The following SLC4A4 variants were observed in gnomAD, a reference collection of about 807,000 sequenced individuals.
SLC4A4 encodes the protein electrogenic sodium bicarbonate cotransporter 1.
SLC4A4 carries 27 observed loss-of-function variants against 111.5 expected under a neutral mutation model. That is an observed-to-expected ratio of 0.24 (90% CI 0.18 to 0.33). SLC4A4 has a LOEUF of 0.33. Ranked by LOEUF, SLC4A4 falls within the 10% of genes least tolerant of loss-of-function variation. The probability of loss-of-function intolerance (pLI) is 1.00; values close to 1 mark genes in which losing one functional copy is unlikely to be tolerated. For synonymous variants in SLC4A4, 443 were observed against 463.4 expected (o/e 0.96, Z 0.57); for missense variants, 909 against 1,315.5 (o/e 0.69, Z 4.78).
chr4:71,173,943 C>T (rs960046322), intron 2 of SLC4A4, among the ~76,000 whole-genome samples: 5 of 152,178 alleles, frequency 3.3e-5, no homozygotes, highest in Non-Finnish European at 5.9e-5. Flanking sequence ...TTTACTAGAA[C>T]AGACCCTAAA....
chr4:71,382,303 G>T (rs1009808911), intron 6 of SLC4A4, among the ~76,000 whole-genome samples: 1 of 152,098 alleles, frequency 6.6e-6, no homozygotes, highest in African/African-American at 2.4e-5. Context: ...TTCTTCAAAG[G>T]ACCTTTGTAC....
At chr4:71,211,790 T>A (rs2363716) in intron 1 of SLC4A4, among the ~76,000 whole-genome samples, 1 of 141,114 alleles carries the variant, frequency 7.1e-6, no homozygotes, top group Non-Finnish European at 1.6e-5. Context: ...TTTTTTTTTT[T>A]TGTGTGTGAA....
chr4:71,171,467 T>C (rs913920264), intron 2 of SLC4A4, among the ~76,000 whole-genome samples: 1 of 152,248 alleles, frequency 6.6e-6, no homozygotes, highest in African/African-American at 2.4e-5. Flanking sequence ...TTTCTGAGCC[T>C]CTGTTCCCTC....
In SLC4A4 at chr4:71,222,057, C is replaced by T. The variant is rs549890451; in HGVS notation, c.-1-14519C>T. Among the ~76,000 whole-genome samples the T allele has an allele frequency of 7.2e-5, 11 of 152,276 alleles. No homozygotes were observed. In the South Asian group the frequency reaches 2.1e-3, roughly 29 times the overall value. ...GAGACTTAGGTAAAGACTATAAGCTCGAGGAAGTATCACTCTATTGCTTAG... is the reference window on the plus strand; with the variant it reads ...GAGACTTAGGTAAAGACTATAAGCTTGAGGAAGTATCACTCTATTGCTTAG... On this transcript the variant is annotated intron_variant, in intron 1 of 25. Transcript: ENST00000264485.
At chr4:71,566,443 T>C (rs1398593578) in intron 24 of SLC4A4, among the ~76,000 whole-genome samples, 1 of 151,626 alleles carries the variant, frequency 6.6e-6, no homozygotes, top group Non-Finnish European at 1.5e-5. Flanking sequence ...TTATGTGCCA[T>C]TTGCCCTTCA....
intron 6 of SLC4A4, among the ~76,000 whole-genome samples, chr4:71,366,610 G>C (rs1258998768): frequency 6.6e-6 from 1 of 152,136 alleles, no homozygotes; most frequent in African/African-American, 2.4e-5. Context: ...GTGATGTAAA[G>C]AGAATATGTA....
intron 2 of SLC4A4, among the ~76,000 whole-genome samples, chr4:71,181,853 T>C (rs1272422669): frequency 6.6e-6 from 1 of 152,170 alleles, no homozygotes; most frequent in Non-Finnish European, 1.5e-5. Context: ...CTCTATCACA[T>C]CTCTGTGCTT....
intron 3 of SLC4A4, among the ~76,000 whole-genome samples, chr4:71,321,753 C>T (rs572270872): frequency 6.6e-6 from 1 of 151,912 alleles, no homozygotes. Context: ...GGGGGCAGAA[C>T]CCTCATGACA....
At chr4:71,545,906 G>A in intron 18 of SLC4A4, among the ~76,000 whole-genome samples, 1 of 152,010 alleles carries the variant, frequency 6.6e-6, no homozygotes, top group East Asian at 1.9e-4. Context: ...TACCACTACT[G>A]CCGCTATCAC....
chr4:71,103,320 TG>T (rs993384627), intron 2 of SLC4A4, among the ~76,000 whole-genome samples: 3 of 152,124 alleles, frequency 2.0e-5, no homozygotes, highest in African/African-American at 7.2e-5. Context: ...ACATTAATAA[TG>T]GGAGACTTTA....
chr4:71,475,503 C>T (rs1728281706), intron 14 of SLC4A4, among the ~76,000 whole-genome samples: 1 of 151,804 alleles, frequency 6.6e-6, no homozygotes, highest in Non-Finnish European at 1.5e-5. Flanking sequence ...TTTCCTTTGT[C>T]CAGTTTTTCC....
At chr4:71,211,365 A>T (rs760858853) in intron 1 of SLC4A4, among the ~76,000 whole-genome samples, 2 of 152,196 alleles carry the variant, frequency 1.3e-5, no homozygotes, top group African/African-American at 4.8e-5. Context: ...AGAATTTTTT[A>T]TATATTACCT....
chr4:71,279,924 T>G (rs1723376740), intron 3 of SLC4A4, among the ~76,000 whole-genome samples: 2 of 152,198 alleles, frequency 1.3e-5, no homozygotes, highest in Non-Finnish European at 2.9e-5. Flanking sequence ...GCCTCCCCAG[T>G]AGCTGGGATT....
intron 12 of SLC4A4, 126 bp from the exon 13 acceptor site, chr4:71,466,318 C>G: frequency 9.6e-7 from 1 of 1,040,964 alleles, no homozygotes; most frequent in South Asian, 1.5e-5. Flanking sequence ...CTTTGTTCTT[C>G]ATTCTTGATA....
rs1234394585 is a variant in SLC4A4 at position 71,570,088 on chromosome 4, C to T, written c.*2337C>T. The T allele has an allele frequency of 6.6e-6, 1 of 151,730 alleles. No homozygotes were observed. Among genetic ancestry groups the T allele is most frequent in the African/African-American group, 2.4e-5 (1 of 41,374 alleles). The allele number at this position is 151,730 out of a possible 1,614,324, so 9.4% of individuals were successfully genotyped here. The stretch of plus-strand genomic sequence containing the variant: ...TAAAAACCATGTATAGTAAATTCAG[C>T]TTAACCCGTGATCTTCTTAAGTTAA... On this transcript the variant is annotated 3_prime_UTR_variant, in exon 26 of 26. Coordinates refer to ENST00000264485, the MANE Select transcript of SLC4A4 (RefSeq NM_001098484.3).
At chr4:71,078,226 T>C (rs1741899337) in intron 1 of SLC4A4, among the ~76,000 whole-genome samples, 1 of 152,176 alleles carries the variant, frequency 6.6e-6, no homozygotes, top group Non-Finnish European at 1.5e-5. Flanking sequence ...CATTCATTCA[T>C]TCATTCATTA....
At chr4:71,141,305 C>T (rs1412343993) in intron 2 of SLC4A4, among the ~76,000 whole-genome samples, 3 of 152,270 alleles carry the variant, frequency 2.0e-5, no homozygotes, top group South Asian at 4.1e-4. Flanking sequence ...GATCATGTGA[C>T]CTGCTTGCTT....
chr4:71,548,986 A>G (rs1179139636), intron 20 of SLC4A4, among the ~76,000 whole-genome samples: 3 of 152,064 alleles, frequency 2.0e-5, no homozygotes, highest in African/African-American at 7.2e-5. Context: ...CTTGGTTTCC[A>G]CAATGTCAAT....
At chr4:71,385,085 A>G (rs528060999) in intron 6 of SLC4A4, among the ~76,000 whole-genome samples, 5 of 139,242 alleles carry the variant, frequency 3.6e-5, no homozygotes, top group Non-Finnish European at 7.6e-5. Context: ...TAGCATCCCT[A>G]CTCTTTGCTG....
Sources: gnomAD v4.1 joint callset for allele counts (sites outside exome capture counted in the v4.1 genomes callset) on GRCh38, gnomAD v4.1.1 for gene constraint, MANE v1.5 for transcripts, NCBI Gene and HGNC (gene_info 2026-07-23, HGNC 2026-07-21) for gene names.